FGF13: variants seen among roughly 807,000 people sequenced by gnomAD.
FGF13 encodes the protein fibroblast growth factor homologous factor 2.
A neutral mutation model predicts 19.5 loss-of-function variants in FGF13; 2 were observed. The observed-to-expected ratio is 0.10, with a 90% CI of 0.04 to 0.32. FGF13 has a LOEUF of 0.32. FGF13 is among the 10% of genes least tolerant of loss of function. FGF13 has a pLI of 1.00. For missense variants in FGF13, 113 were observed against 192.7 expected (o/e 0.59, Z 2.45); for synonymous variants, 72 against 76.9 (o/e 0.94, Z 0.33).
At chrX:138,991,631 G>C (rs1264087731) in intron 1 of FGF13, among the ~76,000 whole-genome samples, 1 of 112,306 alleles carries the variant, frequency 8.9e-6, no homozygotes, top group Non-Finnish European at 1.9e-5. Flanking sequence ...AATAGTTTCA[G>C]TAACAATGGA....
At chrX:138,750,566 C>CACAA (rs751532717) in intron 3 of FGF13, among the ~76,000 whole-genome samples, 15 of 110,968 alleles carry the variant, frequency 1.4e-4, no homozygotes, top group African/African-American at 4.3e-4. Context: ...ACTAAATGTG[C>CACAA]ACAACATCAC....
intron 3 of FGF13, among the ~76,000 whole-genome samples, chrX:138,768,738 GAT>G (rs1207173971): frequency 1.3e-4 from 12 of 94,726 alleles, no homozygotes; most frequent in African/African-American, 2.1e-4. Context: ...ATATATATAT[GAT>G]ATATATATAT....
chrX:138,851,723 T>C (rs2091223622), intron 3 of FGF13, among the ~76,000 whole-genome samples: 1 of 111,823 alleles, frequency 8.9e-6, no homozygotes, highest in Non-Finnish European at 1.9e-5. Context: ...GCCAGGGCAA[T>C]CAGGCAAGAG....
chrX:139,040,159 G>A (rs2092264292), intron 1 of FGF13, among the ~76,000 whole-genome samples: 1 of 111,853 alleles, frequency 8.9e-6, no homozygotes, highest in Non-Finnish European at 1.9e-5. Context: ...GTCCTATCAG[G>A]TAAGTACTAT....
At chrX:138,679,040 C>G (rs926131407) in intron 3 of FGF13, among the ~76,000 whole-genome samples, 2 of 111,741 alleles carry the variant, frequency 1.8e-5, no homozygotes, top group African/African-American at 6.5e-5. Context: ...ACAATTCACA[C>G]AAATAATCTC....
intron 3 of FGF13, among the ~76,000 whole-genome samples, chrX:138,690,385 A>T (rs911153513): frequency 9.0e-6 from 1 of 111,143 alleles, no homozygotes; most frequent in Non-Finnish European, 1.9e-5. Flanking sequence ...TACTATTGGA[A>T]CTTGAAATTA....
At chrX:139,121,171 C>A (rs776171742) in intron 1 of FGF13, among the ~76,000 whole-genome samples, 2 of 112,042 alleles carry the variant, frequency 1.8e-5, no homozygotes, top group African/African-American at 6.5e-5. Flanking sequence ...CTCAATAGAG[C>A]TTGTCACAAA....
intron 1 of FGF13, among the ~76,000 whole-genome samples, chrX:139,012,418 G>A (rs867913315): frequency 1.9e-4 from 21 of 111,641 alleles, no homozygotes; most frequent in Admixed American, 6.6e-4. Flanking sequence ...GAACAAATCT[G>A]GAGGTATCAG....
At chrX:138,649,233 CTCAGATAAAA>C (rs1569354066) in intron 3 of FGF13, among the ~76,000 whole-genome samples, 1 of 111,569 alleles carries the variant, frequency 9.0e-6, no homozygotes, top group Non-Finnish European at 1.9e-5. Flanking sequence ...TTTTTAAACT[CTCAGATAAAA>C]TACATTTGGT....
At chrX:138,820,423 T>C (rs746520750) in intron 3 of FGF13, among the ~76,000 whole-genome samples, 18 of 112,255 alleles carry the variant, frequency 1.6e-4, no homozygotes, top group Non-Finnish European at 2.6e-4. Context: ...GCCAAACTTT[T>C]TCTGCAAAAG....
In FGF13 at chrX:138,689,356, T is replaced by C. The variant is rs771752944; in HGVS notation, c.402+13628A>G. 7.3e-5 allele frequency among the ~76,000 whole-genome samples: 8 copies of C among 110,142 alleles called. No individual in the cohort carries two copies. The South Asian group carries it at 2.0e-3, about 27-fold the overall frequency. ...GCAACACTACTATCCAGGCAGTTTGTTGCAAAACAACTTTCTCCATGGGTC... is the reference window on the plus strand; with the variant it reads ...GCAACACTACTATCCAGGCAGTTTGCTGCAAAACAACTTTCTCCATGGGTC... On this transcript the variant is annotated intron_variant, in intron 3 of 4. Transcript: ENST00000315930.
At chrX:138,913,659 AGG>A (rs2091601960) in intron 1 of FGF13, among the ~76,000 whole-genome samples, 1 of 92,474 alleles carries the variant, frequency 1.1e-5, no homozygotes, top group Non-Finnish European at 2.1e-5. Flanking sequence ...GAAGGAAGGA[AGG>A]AAGGAAGGAA....
intron 3 of FGF13, among the ~76,000 whole-genome samples, chrX:138,800,723 C>T (rs7067113): frequency 1.7e-3 from 186 of 111,654 alleles, no homozygotes; most frequent in African/African-American, 5.8e-3. Context: ...ATCAATCGTA[C>T]GTTTGGTCTT....
At chrX:138,767,344 T>A (rs1379902390) in intron 3 of FGF13, among the ~76,000 whole-genome samples, 1 of 112,070 alleles carries the variant, frequency 8.9e-6, no homozygotes, top group Non-Finnish European at 1.9e-5. Context: ...TTTCCAGGCA[T>A]TCAATGATGC....
chrX:138,720,125 A>T (rs2090137444), intron 1 of FGF13, among the ~76,000 whole-genome samples: 1 of 112,792 alleles, frequency 8.9e-6, no homozygotes, highest in African/African-American at 3.2e-5. Context: ...TTCAAAGTAC[A>T]ATAAATCATT....
intron 1 of FGF13, among the ~76,000 whole-genome samples, chrX:139,168,247 C>A (rs1303999171): frequency 9.0e-6 from 1 of 111,554 alleles, no homozygotes. Flanking sequence ...GGTTTGGGTA[C>A]CCTATAATTA....
At chrX:139,001,335 T>A (rs918900429) in intron 1 of FGF13, among the ~76,000 whole-genome samples, 3 of 110,927 alleles carry the variant, frequency 2.7e-5, no homozygotes, top group Non-Finnish European at 5.7e-5. Flanking sequence ...AATTGACAAG[T>A]GGGATCTAAT....
At chrX:138,974,932 T>TA (rs1321022705) in intron 1 of FGF13, among the ~76,000 whole-genome samples, 1 of 112,388 alleles carries the variant, frequency 8.9e-6, no homozygotes, top group East Asian at 2.8e-4. Flanking sequence ...TTTTAAACCC[T>TA]AAATCAGAAC....
At chrX:138,818,038 A>G (rs1480407580) in intron 3 of FGF13, among the ~76,000 whole-genome samples, 1 of 111,674 alleles carries the variant, frequency 9.0e-6, no homozygotes, top group Non-Finnish European at 1.9e-5. Flanking sequence ...GTAACACTCA[A>G]GACAGAGGCA....
Sources: gnomAD v4.1 joint callset for allele counts (sites outside exome capture counted in the v4.1 genomes callset) on GRCh38, gnomAD v4.1.1 for gene constraint, MANE v1.5 for transcripts, NCBI Gene and HGNC (gene_info 2026-07-23, HGNC 2026-07-21) for gene names.